The following SEC14L5 variants were observed in gnomAD, a reference collection of about 807,000 sequenced individuals.
SEC14L5 encodes the protein SEC14-like protein 5.
In SEC14L5, 96 loss-of-function variants were observed where a neutral mutation model predicts 84.6. The observed-to-expected ratio is 1.13, with a 90% CI of 0.96 to 1.34. SEC14L5 has a LOEUF of 1.34. SEC14L5 is among the 40% of genes most tolerant of loss of function. The probability of loss-of-function intolerance (pLI) is 0.00; values close to 1 mark genes in which losing one functional copy is unlikely to be tolerated. For synonymous variants in SEC14L5, 546 were observed against 383.4 expected (o/e 1.42, Z -4.95); for missense variants, 1,224 against 942.5 (o/e 1.30, Z -3.91).
At chr16:4,970,646 C>A (rs1341867535) in intron 2 of SEC14L5, among the ~76,000 whole-genome samples, 2 of 152,244 alleles carry the variant, frequency 1.3e-5, no homozygotes, top group African/African-American at 4.8e-5. Context: ...GGCCCCGCTC[C>A]TGACACGTGA....
At chr16:4,998,514 G>A (rs574854413) in intron 8 of SEC14L5, among the ~76,000 whole-genome samples, 1 of 149,782 alleles carries the variant, frequency 6.7e-6, no homozygotes, top group African/African-American at 2.4e-5. Flanking sequence ...CGAGGCGGGC[G>A]GATCACGAGG....
At chr16:4,997,355 C>T (rs753568953) in intron 8 of SEC14L5, among the ~76,000 whole-genome samples, 2 of 152,258 alleles carry the variant, frequency 1.3e-5, no homozygotes, top group African/African-American at 2.4e-5. Flanking sequence ...CTGCCTTAGA[C>T]TCCCAAAGTG....
rs1955894907 is a variant in SEC14L5, at chr16:5,018,086, G to T, written c.*3116G>T. ...CTTGACCAGGTGACTTAACCTCTCT[G>T]TGCCTCAGTTTCCTCATCTGTAAAG... On this transcript the variant is annotated 3_prime_UTR_variant, in exon 16 of 16. Transcript: ENST00000251170. 6.6e-6 allele frequency: 1 copy of T among 152,342 alleles called. No individual in the cohort carries two copies. Among genetic ancestry groups the T allele is most frequent in the African/African-American group, 2.4e-5 (1 of 41,448 alleles). The allele number at this position is 152,342 out of a possible 1,614,324, so 9.4% of individuals were successfully genotyped here.
At chr16:5,000,529 G>T in intron 8 of SEC14L5, 126 bp from the exon 9 acceptor site, 1 of 684,886 alleles carries the variant, frequency 1.5e-6, no homozygotes. Flanking sequence ...GTAAGTGAAG[G>T]CTGGATCGGG....
chr16:5,013,024 G>C (rs1050374164), intron 15 of SEC14L5, among the ~76,000 whole-genome samples: 1 of 152,096 alleles, frequency 6.6e-6, no homozygotes, highest in Non-Finnish European at 1.5e-5. Context: ...GAAGGCAAAG[G>C]GTCAGGAGAG....
intron 2 of SEC14L5, among the ~76,000 whole-genome samples, chr16:4,968,568 C>T (rs1358929760): frequency 2.0e-5 from 3 of 152,240 alleles, no homozygotes; most frequent in Non-Finnish European, 4.4e-5. Context: ...CTCAAGCCAT[C>T]CTCCTGTGGT....
intron 10 of SEC14L5, among the ~76,000 whole-genome samples, chr16:5,001,837 A>G (rs1358697912): frequency 6.6e-6 from 1 of 152,046 alleles, no homozygotes; most frequent in East Asian, 1.9e-4. Context: ...CAGTGGTGCA[A>G]TCACAGCTCA....
intron 2 of SEC14L5, among the ~76,000 whole-genome samples, chr16:4,973,462 C>T (rs1304199844): frequency 7.1e-6 from 1 of 140,202 alleles, no homozygotes; most frequent in Non-Finnish European, 1.6e-5. Context: ...AGCTGGGTGA[C>T]ACTGCTGCCA....
At chr16:4,983,748 G>A (rs187612183) in intron 2 of SEC14L5, among the ~76,000 whole-genome samples, 165 of 151,910 alleles carry the variant, frequency 1.1e-3, no homozygotes, top group African/African-American at 3.8e-3. Context: ...GTAGTGGCGT[G>A]TGCCTGTAAT....
intron 11 of SEC14L5, 51 bp downstream of exon 11, chr16:5,003,624 G>GGGGGGGGGCCCCCCC: frequency 3.3e-6 from 1 of 305,312 alleles, no homozygotes; most frequent in Non-Finnish European, 6.5e-6. Flanking sequence ...GGTGGGATGG[G>GGGGGGGGGCCCCCCC]AGGGGTTCCG....
chr16:4,962,595 G>A (rs191893111), intron 2 of SEC14L5, among the ~76,000 whole-genome samples: 194 of 150,678 alleles, frequency 1.3e-3, no homozygotes, highest in African/African-American at 4.5e-3. Flanking sequence ...GGCTGAGAGA[G>A]GAGAATCGCT....
chr16:5,005,811 C>T (rs182825843), intron 11 of SEC14L5, 103 bp from the exon 12 acceptor site: 27 of 1,181,956 alleles, frequency 2.3e-5, no homozygotes, highest in East Asian at 2.2e-4. Flanking sequence ...TTGCAGTGAG[C>T]CAAGATCATG....
chr16:5,015,569 G>A lies in SEC14L5; in HGVS notation c.*599G>A, dbSNP rs533552736. On this transcript the variant is annotated 3_prime_UTR_variant, in exon 16 of 16. Coordinates refer to ENST00000251170, the MANE Select transcript of SEC14L5 (RefSeq NM_014692.2). ...AGGGTTGCAGTGAGGTGCAGTGATT[G>A]GCCAGCCTGGATCACATGCACATCT... is the stretch of plus-strand genomic sequence containing the variant. The A allele has an allele frequency of 6.5e-6, 1 of 153,336 alleles. No homozygotes were observed. The highest frequency in any genetic ancestry group is 1.9e-4 in the East Asian group (1 of 5,184). The allele number at this position is 153,336 out of a possible 1,614,324, so 9.5% of individuals were successfully genotyped here. A position where few individuals can be genotyped will look rare whatever the true frequency, so the allele number is the denominator to read the frequency against.
chr16:4,996,207 C>T, intron 6 of SEC14L5, 141 bp from the exon 7 acceptor site: 1 of 581,080 alleles, frequency 1.7e-6, no homozygotes, highest in East Asian at 2.9e-5. Context: ...CCGGTGGCTG[C>T]TGTCTGGGGC....
At chr16:4,985,643 A>C (rs1955477713) in intron 2 of SEC14L5, among the ~76,000 whole-genome samples, 1 of 152,182 alleles carries the variant, frequency 6.6e-6, no homozygotes, top group South Asian at 2.1e-4. Flanking sequence ...GTTGGTGATA[A>C]ACGTAAGGGC....
rs188682659 is a variant in SEC14L5 at position 4,965,528 on chromosome 16, G to T, written c.63+6142G>T. Reference sequence around the variant, plus strand: ...TACAAAAAATTAGCCGGGTGTGGTGGCGGGCGCCTGTAGTCCCAGCTACTC... The same window carrying T: ...TACAAAAAATTAGCCGGGTGTGGTGTCGGGCGCCTGTAGTCCCAGCTACTC... On this transcript the variant is annotated intron_variant, in intron 2 of 15. Coordinates refer to ENST00000251170, the MANE Select transcript of SEC14L5 (RefSeq NM_014692.2). 1.8e-3 allele frequency among the ~76,000 whole-genome samples: 277 copies of T among 151,622 alleles called. 3 individuals are homozygous for T. Among genetic ancestry groups the T allele is most frequent in the African/African-American group, 6.3e-3 (261 of 41,258 alleles).
intron 2 of SEC14L5, among the ~76,000 whole-genome samples, chr16:4,977,643 G>C (rs1410649787): frequency 6.6e-6 from 1 of 151,838 alleles, no homozygotes; most frequent in African/African-American, 2.4e-5. Context: ...TGATGTGATT[G>C]ACATGGGTAG....
chr16:4,992,088 C>A, intron 6 of SEC14L5, 58 bp downstream of exon 6: 2 of 1,211,620 alleles, frequency 1.7e-6, no homozygotes, highest in South Asian at 3.1e-5. Flanking sequence ...TCCTCTTGCT[C>A]CATGGGGGGC....
At chr16:4,962,156 A>G (rs1164644132) in intron 2 of SEC14L5, among the ~76,000 whole-genome samples, 1 of 138,454 alleles carries the variant, frequency 7.2e-6, no homozygotes, top group Non-Finnish European at 1.5e-5. Context: ...ACAGAGCGAG[A>G]CTCTGTCTCA....
Sources: gnomAD v4.1 joint callset for allele counts (sites outside exome capture counted in the v4.1 genomes callset) on GRCh38, gnomAD v4.1.1 for gene constraint, MANE v1.5 for transcripts, NCBI Gene and HGNC (gene_info 2026-07-23, HGNC 2026-07-21) for gene names.